Variants in FOCAD observed in about 807,000 individuals in gnomAD.
FOCAD encodes focadhesin.
In FOCAD, 198 loss-of-function variants were observed where a neutral mutation model predicts 225.6. The ratio of observed to expected loss-of-function variants is 0.88; its 90% CI spans 0.78 to 0.99. FOCAD has a LOEUF of 0.99. Among genes scored for constraint, FOCAD ranks in the 50% least tolerant of loss-of-function variants. FOCAD has a pLI of 0.00. For synonymous variants in FOCAD, 897 were observed against 755.0 expected (o/e 1.19, Z -3.08); for missense variants, 2,713 against 2,123.6 (o/e 1.28, Z -5.46).
intron 30 of FOCAD, among the ~76,000 whole-genome samples, chr9:20,947,683 A>G (rs948296241): frequency 1.3e-5 from 2 of 152,174 alleles, no homozygotes; most frequent in Admixed American, 1.3e-4. Context: ...AACTGAAAAA[A>G]AACATTTTAT....
intron 2 of FOCAD, among the ~76,000 whole-genome samples, chr9:20,661,045 T>G (rs111757454): frequency 5.3e-5 from 8 of 152,128 alleles, no homozygotes; most frequent in African/African-American, 1.9e-4. Context: ...TGAGAAGGGA[T>G]GTTTTAGAGA....
At chr9:20,718,094 G>C (rs1449656323) in intron 3 of FOCAD, among the ~76,000 whole-genome samples, 1 of 152,178 alleles carries the variant, frequency 6.6e-6, no homozygotes, top group Non-Finnish European at 1.5e-5. Flanking sequence ...ATGGAGGGAA[G>C]GGCTGGAGAG....
upstream of FOCAD, chr9:20,683,462 C>G (rs576997456): frequency 7.4e-4 from 113 of 152,290 alleles, no homozygotes; most frequent in African/African-American, 2.6e-3. Context: ...AGTCTCTCCT[C>G]GTTTTTTTCT....
chr9:20,658,364 C>T (rs981752485), exon 1 of FOCAD: 33 of 171,816 alleles, frequency 1.9e-4, no homozygotes, highest in African/African-American at 7.2e-4. Flanking sequence ...ATGGCGGGCG[C>T]CCCTCCCGCA....
chr9:20,822,586 TTC>T (rs1031317269), intron 14 of FOCAD, among the ~76,000 whole-genome samples: 5 of 152,034 alleles, frequency 3.3e-5, no homozygotes, highest in African/African-American at 1.2e-4. Flanking sequence ...ACAAATCATC[TTC>T]TGTTTTCAAA....
In FOCAD at chr9:20,910,650, G is replaced by A. The variant is rs569350128; in HGVS notation, c.2719-2216G>A. On this transcript the variant is annotated intron_variant, in intron 22 of 43. Coordinates refer to ENST00000338382, the MANE Select transcript of FOCAD (RefSeq NM_001375567.1). ...AATCCAAAAAAATCTCAATTCAGGTGATCACTTTAGCCATTTTGCTCCCAG... is the reference window on the plus strand; with the variant it reads ...AATCCAAAAAAATCTCAATTCAGGTAATCACTTTAGCCATTTTGCTCCCAG... Among the ~76,000 whole-genome samples the A allele has an allele frequency of 7.2e-5, 11 of 152,134 alleles. No individual in the cohort carries two copies. In the South Asian group the frequency reaches 2.3e-3, roughly 32 times the overall value.
intron 11 of FOCAD, among the ~76,000 whole-genome samples, chr9:20,804,272 G>A (rs1404007913): frequency 6.6e-6 from 1 of 151,912 alleles, no homozygotes; most frequent in South Asian, 2.1e-4. Context: ...CTATAATCAA[G>A]TATGCCCATT....
chr9:20,744,150 C>T (rs767673312), intron 5 of FOCAD, among the ~76,000 whole-genome samples: 5 of 151,904 alleles, frequency 3.3e-5, no homozygotes, highest in Non-Finnish European at 5.9e-5. Flanking sequence ...CATGGTCAGA[C>T]GGTGGGTGGG....
chr9:20,921,020 A>G lies in FOCAD; in HGVS notation c.2853-2640A>G, dbSNP rs138757915. Reference sequence around the variant, plus strand: ...AAATAAATGAAGGTGAAAACAAAAAAAAGTCGAGTCAATAAAAATTTAGCA... The same window carrying G: ...AAATAAATGAAGGTGAAAACAAAAAGAAGTCGAGTCAATAAAAATTTAGCA... On this transcript the variant is annotated intron_variant, in intron 24 of 43. Transcript: ENST00000338382. Among the ~76,000 whole-genome samples the G allele has an allele frequency of 2.6e-5, 4 of 151,784 alleles. No individual in the cohort carries two copies. In the East Asian group the frequency reaches 7.7e-4, roughly 29 times the overall value.
intron 11 of FOCAD, among the ~76,000 whole-genome samples, chr9:20,802,475 A>G (rs1821953625): frequency 1.3e-5 from 2 of 152,174 alleles, no homozygotes. Context: ...AATTCATGAA[A>G]GGAATTTCTC....
rs1197135874 is a variant in FOCAD at position 20,929,453 on chromosome 9, C to G, written c.3174C>G (p.Cys1058Trp). 1.9e-6 allele frequency: 3 copies of G among 1,613,950 alleles called. 1 individual carries two copies. Among genetic ancestry groups the G allele is most frequent in the Non-Finnish European group, 2.5e-6 (3 of 1,179,998 alleles). Residue 1058 changes from cysteine (C) to tryptophan (W), a missense_variant, in exon 27 of 44, where the codon TGC becomes TGG. Transcript: ENST00000338382. ...TTGTGCCAGTTTTCATTATCTCTTGCAAAGAGAAGGTTGAGGAAATCCTGA... is the reference window on the plus strand; with the variant it reads ...TTGTGCCAGTTTTCATTATCTCTTGGAAAGAGAAGGTTGAGGAAATCCTGA... ...SLLVPVFIIS[C>W]KEKVEEILNM... is the part of the protein sequence containing the mutation.
In FOCAD at chr9:20,760,300, G is replaced by A. The variant is rs900436045; in HGVS notation, c.494+2109G>A. Among the ~76,000 whole-genome samples, 86 of 152,172 alleles carry A rather than the reference G, an allele frequency of 5.7e-4. 1 individual carries two copies. Among genetic ancestry groups the A allele is most frequent in the Admixed American group, 5.4e-3 (83 of 15,274 alleles). On this transcript the variant is annotated intron_variant, in intron 6 of 43. Coordinates refer to ENST00000338382, the MANE Select transcript of FOCAD (RefSeq NM_001375567.1). Reference sequence around the variant, plus strand: ...AGCACTTACTTGTTGATATCTTATGGAAGCTTTCTATGGGAAAACAAAAAG... The same window carrying A: ...AGCACTTACTTGTTGATATCTTATGAAAGCTTTCTATGGGAAAACAAAAAG...
chr9:20,897,761 C>A (rs1832220626), intron 21 of FOCAD, among the ~76,000 whole-genome samples: 2 of 151,710 alleles, frequency 1.3e-5, no homozygotes. Context: ...TTTTAACAAG[C>A]TGTTATCTGT....
At chr9:20,846,603 A>C (rs1827136680) in intron 15 of FOCAD, among the ~76,000 whole-genome samples, 1 of 152,176 alleles carries the variant, frequency 6.6e-6, no homozygotes, top group Admixed American at 6.6e-5. Flanking sequence ...GTGTTGGATG[A>C]ATCAGATGCC....
At chr9:20,988,297 C>T (rs759632848) in intron 40 of FOCAD, 35 bp from the exon 41 acceptor site, 7 of 1,328,364 alleles carry the variant, frequency 5.3e-6, no homozygotes, top group Non-Finnish European at 7.5e-6. Flanking sequence ...AAAGGAAAAC[C>T]ATGGTCTAGT....
At position 20,945,292 on chromosome 9, in the gene FOCAD, T is replaced by C. The variant is rs562988107; in HGVS notation, c.3555+518T>C. On this transcript the variant is annotated intron_variant, in intron 29 of 43. Transcript: ENST00000338382. ...GAGTTCATGTGATCCAGTTCATGGG[T>C]GTTAACCATGTTTTTAGATGGAACA... 3.3e-5 allele frequency among the ~76,000 whole-genome samples: 5 copies of C among 152,336 alleles called. No homozygotes were observed. The South Asian group carries it at 6.2e-4, about 19-fold the overall frequency.
At chr9:20,697,701 T>A (rs1823489601) in intron 1 of FOCAD, among the ~76,000 whole-genome samples, 1 of 152,272 alleles carries the variant, frequency 6.6e-6, no homozygotes, top group Admixed American at 6.5e-5. Context: ...TTTGATTTTC[T>A]TGGTATTATG....
chr9:20,902,807 C>A (rs1832666671), intron 21 of FOCAD, among the ~76,000 whole-genome samples: 1 of 151,670 alleles, frequency 6.6e-6, no homozygotes, highest in African/African-American at 2.4e-5. Context: ...ACTTGGGTAA[C>A]TGGAACATTG....
At chr9:20,713,237 A>G (rs1825016249) in intron 1 of FOCAD, among the ~76,000 whole-genome samples, 1 of 151,998 alleles carries the variant, frequency 6.6e-6, no homozygotes, top group South Asian at 2.1e-4. Flanking sequence ...CTTCTCATTG[A>G]TCCTTTGACC....
Sources: allele counts gnomAD v4.1 joint callset (sites outside exome capture counted in the v4.1 genomes callset), GRCh38; gene constraint gnomAD v4.1.1; transcripts MANE v1.5; gene names NCBI Gene and HGNC (gene_info 2026-07-23, HGNC 2026-07-21).